Variants in NPFFR1 observed in about 807,000 individuals in gnomAD.
NPFFR1 encodes the protein G-protein coupled receptor 147.
Under a neutral mutation model 12.7 loss-of-function variants are expected in NPFFR1, and 17 were observed. The ratio of observed to expected loss-of-function variants is 1.34; its 90% CI spans 0.92 to 2.01. The LOEUF is 2.01. NPFFR1 is among the 30% of genes most tolerant of loss of function. The pLI is 0.00. For synonymous variants in NPFFR1, 296 were observed against 264.5 expected (o/e 1.12, Z -1.16); for missense variants, 604 against 606.5 (o/e 1.00, Z 0.04).
chr10:70,280,638 T>C (rs1840850855), intron 1 of NPFFR1, among the ~76,000 whole-genome samples: 1 of 152,250 alleles, frequency 6.6e-6, no homozygotes. Flanking sequence ...AGTACTAATA[T>C]AGGCTCCTAA....
At chr10:70,266,435 G>T in intron 1 of NPFFR1, 44 bp from the exon 2 acceptor site, 2 of 1,483,102 alleles carry the variant, frequency 1.3e-6, no homozygotes, top group Non-Finnish European at 9.2e-7. Flanking sequence ...AGGCAAAGAA[G>T]AGATTACCGA....
rs564452729 is a variant in NPFFR1, at chr10:70,255,166, C to T, written c.1084G>A (p.Glu362Lys). 6 of 1,544,036 alleles carry T rather than the reference C, an allele frequency of 3.9e-6. No homozygotes were observed. In the East Asian group the frequency reaches 1.2e-4, roughly 31 times the overall value. ...CTGTGCAGAAGCCCGCCGGGCCGCTCGGAGTAGGCCTCCTTGTGGCTCCCC... is the reference window on the plus strand; with the variant it reads ...CTGTGCAGAAGCCCGCCGGGCCGCTTGGAGTAGGCCTCCTTGTGGCTCCCC... ...PSGSHKEAYSERPGGLLHRRV... is the reference protein window; with the variant it reads ...PSGSHKEAYSKRPGGLLHRRV... The change falls in exon 4 of 4, where the codon GAG (glutamate) becomes AAG (lysine). Residue 362 changes from glutamate (E) to lysine (K), a missense_variant. Transcript: ENST00000277942. The surrounding 1 kb of genome is among the most constrained non-coding windows in gnomAD (Gnocchi z 4.2).
intron 1 of NPFFR1, among the ~76,000 whole-genome samples, chr10:70,282,229 C>T (rs980919933): frequency 7.9e-5 from 12 of 152,130 alleles, no homozygotes; most frequent in African/African-American, 2.4e-5. Flanking sequence ...TCCTCCTTAT[C>T]CTCTTTATTC....
Position 70,268,388 on chromosome 10 carries a change from T to A in NPFFR1, c.8-1997A>T, listed in dbSNP as rs561744897. Among the ~76,000 whole-genome samples the A allele has an allele frequency of 2.5e-4, 38 of 152,364 alleles. 1 individual carries two copies. In the South Asian group the frequency reaches 7.7e-3, roughly 31 times the overall value. ...ATTTCCTGATTGTTTCATAATTTTT[T>A]AAATAGTTGGTTTGTTTGAGTGTGG... On this transcript the variant is annotated intron_variant, in intron 1 of 3. Transcript: ENST00000277942.
intron 2 of NPFFR1, among the ~76,000 whole-genome samples, chr10:70,264,808 T>C (rs538561488): frequency 6.6e-6 from 1 of 152,266 alleles, no homozygotes; most frequent in Admixed American, 6.5e-5. Flanking sequence ...CTGGAGAATT[T>C]TGGTAGTTTT....
intron 1 of NPFFR1, among the ~76,000 whole-genome samples, chr10:70,274,849 T>C (rs1840785531): frequency 6.6e-6 from 1 of 152,224 alleles, no homozygotes; most frequent in African/African-American, 2.4e-5. Flanking sequence ...CGCAGTGTGG[T>C]TTCAGTTCAT....
rs7923688 is a variant in NPFFR1, at chr10:70,253,057, A to G, written c.*1900T>C. 0.31 allele frequency: 46,416 copies of G among 151,918 alleles called. 7,483 individuals carry two copies. The highest frequency in any genetic ancestry group is 0.36 in the South Asian group (1,717 of 4,820). The allele number at this position is 151,918 out of a possible 1,614,324, so 9.4% of individuals were successfully genotyped here. A position where few individuals can be genotyped will look rare whatever the true frequency, so the allele number is the denominator to read the frequency against. On this transcript the variant is annotated 3_prime_UTR_variant, in exon 4 of 4. Transcript: ENST00000277942. ...ACCAGCTGGGAACTCTCTGGCCCAT[A>G]TGACACATGACACTGATACAGTACC...
At chr10:70,257,892 T>G (rs1840589568) in intron 3 of NPFFR1, among the ~76,000 whole-genome samples, 1 of 152,228 alleles carries the variant, frequency 6.6e-6, no homozygotes, top group Admixed American at 6.5e-5. Flanking sequence ...AAATCTGGCT[T>G]ACGTGCACGT....
intron 3 of NPFFR1, among the ~76,000 whole-genome samples, chr10:70,258,423 A>G (rs1007392974): frequency 2.0e-5 from 3 of 152,210 alleles, no homozygotes; most frequent in Admixed American, 6.5e-5. Flanking sequence ...CTCAACTGCA[A>G]GCTCTGTGAG....
intron 2 of NPFFR1, among the ~76,000 whole-genome samples, chr10:70,263,156 G>A (rs1031255285): frequency 1.1e-4 from 16 of 152,124 alleles, no homozygotes; most frequent in African/African-American, 3.6e-4. Context: ...GACAGAGCAA[G>A]ACCGTGTCTT....
At chr10:70,277,087 T>G (rs1840812118) in intron 1 of NPFFR1, among the ~76,000 whole-genome samples, 2 of 152,238 alleles carry the variant, frequency 1.3e-5, no homozygotes. Context: ...AACTCATTGC[T>G]GGAAGCAGGA....
At chr10:70,279,349 G>A (rs940323609) in intron 1 of NPFFR1, among the ~76,000 whole-genome samples, 2 of 152,086 alleles carry the variant, frequency 1.3e-5, no homozygotes, top group African/African-American at 4.8e-5. Context: ...GGTTCACCAT[G>A]TTGGCTAGGC....
intron 1 of NPFFR1, among the ~76,000 whole-genome samples, chr10:70,276,558 C>T (rs1339809666): frequency 2.6e-5 from 4 of 150,984 alleles, no homozygotes; most frequent in Non-Finnish European, 5.9e-5. Flanking sequence ...GCATGAGAGA[C>T]CGAATTTAAT....
chr10:70,278,164 A>G (rs111799009), intron 1 of NPFFR1, among the ~76,000 whole-genome samples: 1 of 152,194 alleles, frequency 6.6e-6, no homozygotes, highest in African/African-American at 2.4e-5. Flanking sequence ...ACCAGTCCCA[A>G]TTCTGCTCCC....
At chr10:70,264,958 G>A (rs937665087) in intron 2 of NPFFR1, among the ~76,000 whole-genome samples, 3 of 152,214 alleles carry the variant, frequency 2.0e-5, no homozygotes, top group African/African-American at 7.2e-5. Flanking sequence ...GTATTTATGT[G>A]TATGCATGTG....
At chr10:70,263,241 T>C (rs1215683317) in intron 2 of NPFFR1, among the ~76,000 whole-genome samples, 2 of 152,224 alleles carry the variant, frequency 1.3e-5, no homozygotes, top group Non-Finnish European at 2.9e-5. Context: ...TTTTAATGTA[T>C]GTTAAATTAT....
chr10:70,276,350 C>T (rs1337994027), intron 1 of NPFFR1, among the ~76,000 whole-genome samples: 1 of 152,170 alleles, frequency 6.6e-6, no homozygotes, highest in Non-Finnish European at 1.5e-5. Flanking sequence ...TTCTCTCTCT[C>T]CCCATCCCTA....
At chr10:70,265,832 T>G (rs1840683882) in intron 2 of NPFFR1, among the ~76,000 whole-genome samples, 1 of 152,190 alleles carries the variant, frequency 6.6e-6, no homozygotes, top group Non-Finnish European at 1.5e-5. Context: ...GTTGTGAGGA[T>G]GAATTAAGAT....
At position 70,266,610 on chromosome 10, in the gene NPFFR1, C is replaced by G. The variant is rs117370445; in HGVS notation, c.8-219G>C. 5.3e-3 allele frequency among the ~76,000 whole-genome samples: 809 copies of G among 152,344 alleles called. 2 individuals carry two copies. The highest frequency in any genetic ancestry group is 8.7e-3 in the Non-Finnish European group (595 of 68,032). The stretch of plus-strand genomic sequence containing the variant: ...ACTTCATGCCCTGTCTTGCCCATAA[C>G]TCATTCTCCAATGTTGGTTTTTCTT... On this transcript the variant is annotated intron_variant, in intron 1 of 3. Coordinates refer to ENST00000277942, the MANE Select transcript of NPFFR1 (RefSeq NM_022146.5).
Sources: gnomAD v4.1 joint callset for allele counts (sites outside exome capture counted in the v4.1 genomes callset) on GRCh38, gnomAD v4.1.1 for gene constraint, Gnocchi (gnomAD v3.1) non-coding constraint, MANE v1.5 for transcripts, NCBI Gene and HGNC (gene_info 2026-07-23, HGNC 2026-07-21) for gene names.